Variants in TMEM50B observed in about 807,000 individuals in gnomAD.
The protein encoded by TMEM50B is HCV p7-trans-regulated protein 3.
TMEM50B carries 14 observed loss-of-function variants against 23.4 expected under a neutral mutation model. That is an observed-to-expected ratio of 0.60 (90% CI 0.39 to 0.93). The LOEUF (loss-of-function observed/expected upper bound fraction) is 0.93, where lower values mean the gene tolerates loss of function less well. Ranked by LOEUF, TMEM50B falls within the 40% of genes least tolerant of loss-of-function variation. TMEM50B has a pLI of 0.00. For synonymous variants in TMEM50B, 64 were observed against 62.3 expected (o/e 1.03, Z -0.13); for missense variants, 159 against 193.0 (o/e 0.82, Z 1.04).
intron 1 of TMEM50B, chr21:33,478,648 TC>T (rs1312922912): frequency 9.8e-6 from 4 of 409,620 alleles, no homozygotes; most frequent in African/African-American, 8.3e-5. Context: ...GAAATATACG[TC>T]CCCACCTCAC....
At chr21:33,467,436 C>T (rs1267091242) in intron 2 of TMEM50B, among the ~76,000 whole-genome samples, 2 of 152,176 alleles carry the variant, frequency 1.3e-5, no homozygotes, top group Non-Finnish European at 2.9e-5. Context: ...CCAGTCTGGT[C>T]AACATGGTGA....
chr21:33,447,464 C>G (rs941537381), downstream of TMEM50B, among the ~76,000 whole-genome samples: 1 of 152,056 alleles, frequency 6.6e-6, no homozygotes, highest in African/African-American at 2.4e-5. Context: ...TAAAAAAGAA[C>G]AATGAAAACA....
At chr21:33,436,678 C>A (rs2083955242) in intron 8 of TMEM50B, 7 of 603,612 alleles carry the variant, frequency 1.2e-5, no homozygotes, top group Non-Finnish European at 1.7e-5. Context: ...GCTGAGATCA[C>A]ACCACTATAC....
intron 7 of TMEM50B, among the ~76,000 whole-genome samples, chr21:33,443,892 G>T (rs796547972): frequency 3.3e-3 from 321 of 95,844 alleles, no homozygotes; most frequent in African/African-American, 0.01. Context: ...ATTCTTTGTG[G>T]TTTTTTTTTG....
rs183198176 is a variant in TMEM50B at position 33,456,724 on chromosome 21, A to T, written c.374-940T>A. 1.8e-3 allele frequency among the ~76,000 whole-genome samples: 272 copies of T among 152,288 alleles called. 1 individual carries two copies. The highest frequency in any genetic ancestry group is 3.1e-3 in the Admixed American group (47 of 15,286). ...CTTGGGCAAATTATTTAACCTCAGC[A>T]TATCTTCATTTCCTCACCTGTAAAA... On this transcript the variant is annotated intron_variant, in intron 5 of 6. Coordinates refer to ENST00000542230, the MANE Select transcript of TMEM50B (RefSeq NM_006134.7).
intron 8 of TMEM50B, among the ~76,000 whole-genome samples, chr21:33,433,360 C>G (rs2083909198): frequency 6.6e-6 from 1 of 152,198 alleles, no homozygotes; most frequent in Non-Finnish European, 1.5e-5. Context: ...TGGAAGCACT[C>G]CGGTGTCGTT....
chr21:33,473,457 G>GAAAAAA (rs35814774), intron 1 of TMEM50B, among the ~76,000 whole-genome samples: 1 of 84,854 alleles, frequency 1.2e-5, no homozygotes. Flanking sequence ...TGTCTCGGAA[G>GAAAAAA]AAAAAAAAAA....
chr21:33,467,315 T>TA (rs1451913338), intron 2 of TMEM50B, among the ~76,000 whole-genome samples, 193 bp from the exon 3 acceptor site: 1 of 152,052 alleles, frequency 6.6e-6, no homozygotes, highest in African/African-American at 2.4e-5. Context: ...GTCATCATGG[T>TA]AAAACCTCAT....
chr21:33,449,606 C>T lies in TMEM50B; in HGVS notation c.*1212G>A, dbSNP rs1327033173. ...TGAAGATATATTTCACAGGAATATT[C>T]ACCCAAAGCTTGAGAGCTAGAGCGA... On this transcript the variant is annotated 3_prime_UTR_variant, in exon 7 of 7. Coordinates refer to ENST00000542230, the MANE Select transcript of TMEM50B (RefSeq NM_006134.7). 6.6e-6 allele frequency: 1 copy of T among 152,224 alleles called. No homozygotes were observed. The highest frequency in any genetic ancestry group is 2.4e-5 in the African/African-American group (1 of 41,462). The allele number at this position is 152,224 out of a possible 1,614,324, so 9.4% of individuals were successfully genotyped here. A position where few individuals can be genotyped will look rare whatever the true frequency, so the allele number is the denominator to read the frequency against.
At chr21:33,452,590 G>C (rs969389233) in intron 6 of TMEM50B, among the ~76,000 whole-genome samples, 2 of 152,158 alleles carry the variant, frequency 1.3e-5, no homozygotes, top group African/African-American at 4.8e-5. Flanking sequence ...TGCCTTAGTA[G>C]GGGGACAAAT....
Position 33,468,929 on chromosome 21 carries a change from A to G in TMEM50B, c.-41-3T>C. 6.8e-7 allele frequency: 1 copy of G among 1,460,252 alleles called. No homozygotes were observed. Among genetic ancestry groups the G allele is most frequent in the Non-Finnish European group, 9.5e-7 (1 of 1,051,144 alleles). The allele number at this position is 1,460,252 out of a possible 1,614,324, so 90.5% of individuals were successfully genotyped here. On this transcript the variant is annotated splice_polypyrimidine_tract_variant and splice_region_variant and intron_variant, in intron 1 of 6. Coordinates refer to ENST00000542230, the MANE Select transcript of TMEM50B (RefSeq NM_006134.7). ...AATTTTTCATTAAATGCTGTATCCTACAAACAGAAAGACAAAAACTAATCA... is the reference window on the plus strand; with the variant it reads ...AATTTTTCATTAAATGCTGTATCCTGCAAACAGAAAGACAAAAACTAATCA...
chr21:33,479,810 G>A (rs991441824), intron 1 of TMEM50B, 28 bp downstream of exon 1: 9 of 152,364 alleles, frequency 5.9e-5, no homozygotes, highest in Admixed American at 5.2e-4. Flanking sequence ...CGGTTGCCTG[G>A]CGCCGGAGAC....
Position 33,455,808 on chromosome 21 carries a change from T to A in TMEM50B, c.374-24A>T, listed in dbSNP as rs201568157. On this transcript the variant is annotated intron_variant, in intron 5 of 6. Transcript: ENST00000542230. ...ATCTACATACACAAAGTAAAACAGA[T>A]TAGACGGTTATATAGGCAAACGGCA... 1.1e-4 allele frequency: 176 copies of A among 1,589,650 alleles called. No homozygotes were observed. In the African/African-American group the frequency reaches 2.0e-3, roughly 18 times the overall value.
chr21:33,444,803 CA>C (rs60816843), downstream of TMEM50B, among the ~76,000 whole-genome samples: 21,875 of 96,136 alleles, frequency 0.23, 2,004 homozygotes, highest in Admixed American at 0.3. Flanking sequence ...CATCTCTTTA[CA>C]AAAAAAAAAA....
At chr21:33,473,401 T>C (rs7277905) in intron 1 of TMEM50B, among the ~76,000 whole-genome samples, 62,258 of 146,792 alleles carry the variant, frequency 0.42, 14,904 homozygotes, top group Non-Finnish European at 0.55. Flanking sequence ...TGCAGTGAGC[T>C]GAGATCGCAC....
intron 8 of TMEM50B, among the ~76,000 whole-genome samples, chr21:33,438,434 T>C (rs987055284): frequency 6.6e-6 from 1 of 152,228 alleles, no homozygotes; most frequent in Non-Finnish European, 1.5e-5. Flanking sequence ...TAATGTTATC[T>C]ACTGAGCACG....
chr21:33,477,667 G>A (rs534163478), intron 1 of TMEM50B, among the ~76,000 whole-genome samples: 51 of 151,376 alleles, frequency 3.4e-4, no homozygotes, highest in Non-Finnish European at 6.3e-4. Flanking sequence ...AAAATTAGCT[G>A]GGCGTGGCGG....
intron 2 of TMEM50B, among the ~76,000 whole-genome samples, chr21:33,468,067 A>T (rs1027050854): frequency 1.3e-4 from 6 of 47,764 alleles, no homozygotes; most frequent in African/African-American, 2.4e-4. Context: ...TCGTCTCTTT[A>T]AAAAAAAAAA....
chr21:33,477,945 C>T (rs974008732), intron 1 of TMEM50B, among the ~76,000 whole-genome samples: 2 of 151,524 alleles, frequency 1.3e-5, no homozygotes, highest in East Asian at 3.9e-4. Flanking sequence ...ACCATCCTGG[C>T]TAACACGGTG....
Sources: gnomAD v4.1 joint callset for allele counts (sites outside exome capture counted in the v4.1 genomes callset) on GRCh38, gnomAD v4.1.1 for gene constraint, MANE v1.5 for transcripts, NCBI Gene and HGNC (gene_info 2026-07-23, HGNC 2026-07-21) for gene names.